The following MLLT6 variants were observed in gnomAD, a reference collection of about 807,000 sequenced individuals.
MLLT6 encodes protein AF-17.
In MLLT6, 22 loss-of-function variants were observed where a neutral mutation model predicts 103.0. That is an observed-to-expected ratio of 0.21 (90% CI 0.15 to 0.31). The LOEUF (loss-of-function observed/expected upper bound fraction) is 0.31. Ranked by LOEUF, MLLT6 falls within the 10% of genes least tolerant of loss-of-function variation. MLLT6 has a pLI of 1.00. For synonymous variants in MLLT6, 606 were observed against 623.5 expected (o/e 0.97, Z 0.42); for missense variants, 1,199 against 1,441.7 (o/e 0.83, Z 2.73).
At chr17:38,720,948 A>G (rs1905698193) in intron 16 of MLLT6, 1 of 605,958 alleles carries the variant, frequency 1.7e-6, no homozygotes, top group African/African-American at 1.9e-5. Flanking sequence ...ATCAGTGAGC[A>G]AAACCGGCAC....
At position 38,727,133 on chromosome 17, in the gene MLLT6, GTTT is replaced by G. The variant is rs757431772; in HGVS notation, c.*1549_*1551del. On this transcript the variant is annotated 3_prime_UTR_variant, in exon 20 of 20. Transcript: ENST00000621332. ...TTTCTGTTTGGGTTTTTGTTGTTGG[GTTT>G]TTTTTTTTTTTTTAATAAAGAAAAG... 7.1e-5 allele frequency: 15 copies of G among 210,832 alleles called. No homozygotes were observed. The highest frequency in any genetic ancestry group is 2.0e-4 in the South Asian group (1 of 4,932). 13.1% of individuals were successfully genotyped at this position (210,832 alleles called of 1,614,324 possible). A position where few individuals can be genotyped will look rare whatever the true frequency, so the allele number is the denominator to read the frequency against.
At chr17:38,714,329 T>C (rs1450647182) in intron 8 of MLLT6, 1 of 152,268 alleles carries the variant, frequency 6.6e-6, no homozygotes, top group Non-Finnish European at 1.5e-5. Flanking sequence ...CGTCTCATCA[T>C]TTATTGACCC....
chr17:38,719,886 G>A lies in MLLT6; in HGVS notation c.2146G>A (p.Gly716Ser), dbSNP rs867818949. ...GGAGAAGCAGGGCGACGGGGAGGCC[G>A]GCGTCAACAGTGAGGAGGGGTGGCG... ...LLEKQGDGEA[G>S]VNIVEMLKAL... Residue 716 changes from glycine to serine, a missense_variant, in exon 14 of 20, where the codon GGC becomes AGC. Physicochemically the swap from Gly to Ser is moderately conservative, Grantham distance 56. Transcript: ENST00000621332. 2 of 1,581,724 alleles carry A rather than the reference G, an allele frequency of 1.3e-6. No individual in the cohort carries two copies. Among genetic ancestry groups the A allele is most frequent in the Non-Finnish European group, 1.7e-6 (2 of 1,164,652 alleles).
intron 6 of MLLT6, among the ~76,000 whole-genome samples, chr17:38,710,122 C>T (rs932457498): frequency 6.6e-6 from 1 of 152,152 alleles, no homozygotes; most frequent in East Asian, 1.9e-4. Context: ...AACAGAGAAA[C>T]GAGTCCCAGG....
In MLLT6 at chr17:38,717,862, C is replaced by T. The variant is rs202139750; in HGVS notation, c.1851C>T (p.Gly617=). 1.2e-6 allele frequency: 2 copies of T among 1,613,758 alleles called. No homozygotes were observed. Among genetic ancestry groups the T allele is most frequent in the Middle Eastern group, 1.6e-4 (1 of 6,062 alleles). ...ISTTQVFSLA[G]STFSLPSTHI... ...TCCCTTAGGTGTTTTCTCTGGCTGG[C>T]TCTACCTTTAGCCTCCCTTCTACCC... The change falls in exon 12 of 20, where the codon GGC becomes GGT. Residue 617 remains glycine, a synonymous_variant. Coordinates refer to ENST00000621332, the MANE Select transcript of MLLT6 (RefSeq NM_005937.4).
At chr17:38,725,445 T>G (rs778204389) in intron 19 of MLLT6, 112 bp from the exon 20 acceptor site, 8 of 967,814 alleles carry the variant, frequency 8.3e-6, no homozygotes, top group African/African-American at 1.7e-5. Context: ...AGGCTTCCAT[T>G]GGCCCCGTTT....
rs936191735 is a variant in MLLT6, at chr17:38,705,421, CG to C, written c.-204del. 2.2e-4 allele frequency: 82 copies of C among 373,786 alleles called. No homozygotes were observed. The highest frequency in any genetic ancestry group is 4.6e-4 in the African/African-American group (20 of 43,378). The allele number at this position is 373,786 out of a possible 1,614,324, so 23.2% of individuals were successfully genotyped here. ...TCGGGGCATGAGGGCGAGAGCACGG[CG>C]GGGGGGGCGGCCAGACAGAGCGAGC... On this transcript the variant is annotated 5_prime_UTR_variant, in exon 1 of 20. Coordinates refer to ENST00000621332, the MANE Select transcript of MLLT6 (RefSeq NM_005937.4).
chr17:38,725,220 G>A (rs1377306511), intron 19 of MLLT6: 11 of 531,384 alleles, frequency 2.1e-5, no homozygotes, highest in Non-Finnish European at 3.6e-5. Context: ...GCCTTCCTCC[G>A]GGAGGACCAA....
Position 38,729,193 on chromosome 17 carries a change from T to G in MLLT6, c.*3595T>G, listed in dbSNP as rs959127830. On this transcript the variant is annotated 3_prime_UTR_variant, in exon 20 of 20. Transcript: ENST00000621332. Reference sequence around the variant, plus strand: ...GCTCCCCCTGCCAGCTTCTAGGATCTTCCTTGGTGTGCAATGGGCCAGTTA... The same window carrying G: ...GCTCCCCCTGCCAGCTTCTAGGATCGTCCTTGGTGTGCAATGGGCCAGTTA... The G allele has an allele frequency of 1.7e-5, 4 of 233,122 alleles. No individual in the cohort carries two copies. Among genetic ancestry groups the G allele is most frequent in the Admixed American group, 5.6e-5 (1 of 17,788 alleles). The allele number at this position is 233,122 out of a possible 1,614,324, so 14.4% of individuals were successfully genotyped here. A position where few individuals can be genotyped will look rare whatever the true frequency, so the allele number is the denominator to read the frequency against.
At position 38,719,775 on chromosome 17, in the gene MLLT6, C is replaced by G. The variant is rs572930416; in HGVS notation, c.2035C>G (p.Leu679Val). The change falls in exon 14 of 20, where the codon CTC becomes GTC. Residue 679 changes from leucine (L) to valine (V), a missense_variant. Transcript: ENST00000621332. ...SMSPISSLPALFDQTASAPCG... is the reference protein window; with the variant it reads ...SMSPISSLPAVFDQTASAPCG... ...GTCCCCCATCAGCAGCCTCCCCGCACTCTTCGACCAGACAGCCTCTGCACC... is the reference window on the plus strand; with the variant it reads ...GTCCCCCATCAGCAGCCTCCCCGCAGTCTTCGACCAGACAGCCTCTGCACC... 9.9e-6 allele frequency: 16 copies of G among 1,613,310 alleles called. No individual in the cohort carries two copies. The South Asian group carries it at 1.6e-4, about 17-fold the overall frequency.
At chr17:38,708,930 T>TA (rs1247927103) in intron 4 of MLLT6, 1 of 495,966 alleles carries the variant, frequency 2.0e-6, no homozygotes, top group Non-Finnish European at 3.5e-6. Context: ...AACAATTAAA[T>TA]ACAGTTTAGA....
At chr17:38,720,814 C>T in intron 16 of MLLT6, 67 bp downstream of exon 16, 2 of 1,396,398 alleles carry the variant, frequency 1.4e-6, no homozygotes, top group Non-Finnish European at 2.0e-6. Context: ...CCCATCTCTT[C>T]CCCGCAGCTA....
Position 38,721,864 on chromosome 17 carries a change from C to T in MLLT6, c.2443-14C>T. The T allele has an allele frequency of 6.5e-7, 1 of 1,542,054 alleles. No individual in the cohort carries two copies. Among genetic ancestry groups the T allele is most frequent in the Non-Finnish European group, 8.7e-7 (1 of 1,147,042 alleles). On this transcript the variant is annotated splice_polypyrimidine_tract_variant and intron_variant, in intron 16 of 19. Transcript: ENST00000621332. ...GCTGGCCCTCTGACCCCTCCCTTCC[C>T]CCTCCCTCCCCAGGACCCACACTCA... is the stretch of plus-strand genomic sequence containing the variant.
In MLLT6 at chr17:38,706,931, C is replaced by G; in HGVS notation, c.110-19C>G. On this transcript the variant is annotated intron_variant, in intron 1 of 19. Transcript: ENST00000621332. ...ACTGGCTGACAGCTTTGCTCAGCGA[C>G]TGTCCTCCCCACCCTCAGCTTGCTA... 6.3e-7 allele frequency: 1 copy of G among 1,595,270 alleles called. No homozygotes were observed.
rs1244409546 is a variant in MLLT6 at position 38,709,056 on chromosome 17, G to C, written c.355-117G>C. On this transcript the variant is annotated intron_variant, in intron 4 of 19. Coordinates refer to ENST00000621332, the MANE Select transcript of MLLT6 (RefSeq NM_005937.4). The surrounding 1 kb of genome is among the most constrained non-coding windows in gnomAD (Gnocchi z 4.3). ...CGTTTTCATCACTGCAGACAGTTCTGTGGGATAGCACTGATCTAAGACTGT... is the reference window on the plus strand; with the variant it reads ...CGTTTTCATCACTGCAGACAGTTCTCTGGGATAGCACTGATCTAAGACTGT... 2.6e-6 allele frequency: 2 copies of C among 767,124 alleles called. No homozygotes were observed. The highest frequency in any genetic ancestry group is 4.3e-6 in the Non-Finnish European group (2 of 461,336). 47.5% of individuals were successfully genotyped at this position (767,124 alleles called of 1,614,324 possible).
At position 38,709,722 on chromosome 17, in the gene MLLT6, C is replaced by T. The variant is rs923294986; in HGVS notation, c.552+147C>T. On this transcript the variant is annotated intron_variant, in intron 6 of 19. Transcript: ENST00000621332. The surrounding 1 kb of genome is among the most constrained non-coding windows in gnomAD (Gnocchi z 4.3). ...CCCTGCCCAAGAGGAGCTCTTCATT[C>T]GATGAGGAATAAAGTACAGCTTCAG... 12 of 656,102 alleles carry T rather than the reference C, an allele frequency of 1.8e-5. No homozygotes were observed. Among genetic ancestry groups the T allele is most frequent in the East Asian group, 5.4e-5 (2 of 36,826 alleles). The allele number at this position is 656,102 out of a possible 1,614,324, so 40.6% of individuals were successfully genotyped here. A position where few individuals can be genotyped will look rare whatever the true frequency, so the allele number is the denominator to read the frequency against.
chr17:38,724,698 G>A lies in MLLT6; in HGVS notation c.2962G>A (p.Gly988Ser). Residue 988 changes from glycine (G) to serine (S), a missense_variant, in exon 19 of 20, where the codon GGC becomes AGC. Around this residue, in one of 7 missense-constraint regions of MLLT6, gnomAD observed 1,034 missense variants for 1,091.5 expected, o/e 0.95. Coordinates refer to ENST00000621332, the MANE Select transcript of MLLT6 (RefSeq NM_005937.4). The surrounding 1 kb of genome is among the most constrained non-coding windows in gnomAD (Gnocchi z 5.4). ...GCTGCAGCGCCTGCAGATGGCTGGG[G>A]GCTCCCAGCTGCCCATGGCCAGCCT... ...RELQRLQMAGGSQLPMASLLA... is the reference protein window; with the variant it reads ...RELQRLQMAGSSQLPMASLLA... 1 of 1,613,144 alleles carries A rather than the reference G, an allele frequency of 6.2e-7. No individual in the cohort carries two copies. The highest frequency in any genetic ancestry group is 1.1e-5 in the South Asian group (1 of 91,044).
At chr17:38,713,299 C>G in intron 8 of MLLT6, 1 of 413,636 alleles carries the variant, frequency 2.4e-6, no homozygotes, top group Non-Finnish European at 4.3e-6. Flanking sequence ...CCATTCCCAG[C>G]AGGGCATGGT....
intron 8 of MLLT6, chr17:38,714,770 CAT>C (rs1905265285): frequency 1.3e-5 from 2 of 152,384 alleles, no homozygotes; most frequent in South Asian, 4.1e-4. Context: ...AAAACAAAAA[CAT>C]GGCGGTGAAG....
Sources: allele counts gnomAD v4.1 joint callset (sites outside exome capture counted in the v4.1 genomes callset), GRCh38; gene constraint gnomAD v4.1.1; regional missense constraint gnomAD v4.1.1; non-coding constraint Gnocchi (gnomAD v3.1); transcripts MANE v1.5; gene names NCBI Gene and HGNC (gene_info 2026-07-23, HGNC 2026-07-21).